The following ACTL6A variants were observed in gnomAD, a reference collection of about 807,000 sequenced individuals.
ACTL6A encodes actin like 6A.
Under a neutral mutation model 59.2 loss-of-function variants are expected in ACTL6A, and 5 were observed. That is an observed-to-expected ratio of 0.08 (90% CI 0.04 to 0.18). The LOEUF (loss-of-function observed/expected upper bound fraction) is 0.18. ACTL6A is among the 10% of genes least tolerant of loss of function. The pLI is 1.00. For synonymous variants in ACTL6A, 154 were observed against 171.8 expected (o/e 0.90, Z 0.81); for missense variants, 285 against 526.9 (o/e 0.54, Z 4.49).
chr3:179,576,484 C>A, intron 6 of ACTL6A, 136 bp from the exon 7 acceptor site: 1 of 806,500 alleles, frequency 1.2e-6, no homozygotes, highest in Non-Finnish European at 2.0e-6. Flanking sequence ...TGATGCATGG[C>A]TTTATTTATG....
intron 5 of ACTL6A, among the ~76,000 whole-genome samples, chr3:179,575,743 G>A (rs772985947): frequency 4.6e-5 from 7 of 152,204 alleles, no homozygotes; most frequent in Non-Finnish European, 1.0e-4. Context: ...TGAGTTGGAG[G>A]AGATAGGAAC....
chr3:179,580,003 C>T (rs937010440), intron 8 of ACTL6A, among the ~76,000 whole-genome samples: 8 of 152,066 alleles, frequency 5.3e-5, no homozygotes, highest in African/African-American at 1.9e-4. Context: ...GAACTCCTGG[C>T]CTCAAGCGAT....
intron 1 of ACTL6A, among the ~76,000 whole-genome samples, chr3:179,566,384 G>A (rs1448872740): frequency 6.6e-6 from 1 of 152,170 alleles, no homozygotes; most frequent in Non-Finnish European, 1.5e-5. Flanking sequence ...TTCCATGGTA[G>A]AACTATATTT....
At chr3:179,577,890 G>A (rs1231605382) in intron 8 of ACTL6A, among the ~76,000 whole-genome samples, 3 of 150,780 alleles carry the variant, frequency 2.0e-5, no homozygotes, top group Non-Finnish European at 2.9e-5. Context: ...GTCTTCCACC[G>A]ACGGGCATTT....
At chr3:179,583,097 C>T (rs1718383398) in intron 11 of ACTL6A, among the ~76,000 whole-genome samples, 1 of 152,176 alleles carries the variant, frequency 6.6e-6, no homozygotes, top group African/African-American at 2.4e-5. Context: ...TAAAAGTAAC[C>T]TTGCCTGGAT....
chr3:179,579,817 C>T (rs981383931), intron 8 of ACTL6A, among the ~76,000 whole-genome samples: 5 of 152,164 alleles, frequency 3.3e-5, no homozygotes, highest in Admixed American at 3.3e-4. Flanking sequence ...GGGTCTCTCT[C>T]TGTCACCCAG....
chr3:179,585,174 C>T (rs541179903), intron 12 of ACTL6A, among the ~76,000 whole-genome samples: 70 of 152,308 alleles, frequency 4.6e-4, no homozygotes, highest in African/African-American at 1.7e-3. Flanking sequence ...ACGATATCAG[C>T]TCACTGTAAC....
intron 12 of ACTL6A, 93 bp from the exon 13 acceptor site, chr3:179,586,453 C>A: frequency 1.1e-6 from 1 of 926,026 alleles, no homozygotes; most frequent in Non-Finnish European, 1.5e-6. Flanking sequence ...GCGAGGAAGA[C>A]CCTGTCTCTA....
intron 5 of ACTL6A, chr3:179,575,328 T>C (rs1166886739): frequency 1.1e-4 from 52 of 454,410 alleles, no homozygotes; most frequent in South Asian, 7.8e-4. Flanking sequence ...GATTTTACTA[T>C]TGAATATCTC....
At chr3:179,573,763 C>T (rs567160647) in intron 4 of ACTL6A, among the ~76,000 whole-genome samples, 116 of 152,146 alleles carry the variant, frequency 7.6e-4, no homozygotes, top group Non-Finnish European at 1.4e-3. Flanking sequence ...AGGACTGCTT[C>T]CCATTTTGAA....
intron 1 of ACTL6A, 83 bp from the exon 2 acceptor site, chr3:179,569,741 A>C: frequency 1.7e-6 from 2 of 1,148,474 alleles, no homozygotes; most frequent in Non-Finnish European, 2.6e-6. Context: ...GCTTGAGCCT[A>C]GGAGGTTGAG....
At chr3:179,583,060 G>T (rs1718381129) in intron 11 of ACTL6A, among the ~76,000 whole-genome samples, 1 of 152,134 alleles carries the variant, frequency 6.6e-6, no homozygotes, top group South Asian at 2.1e-4. Flanking sequence ...GCATTCCAAT[G>T]TAGGCAATAT....
rs139463312 is a variant in ACTL6A at position 179,569,348 on chromosome 3, C to G, written c.26-476C>G. ...ATCATTATAGTACTGGGGTACTGTA[C>G]TGTCCCTTCTGGTTGTCCTGTATTT... On this transcript the variant is annotated intron_variant, in intron 1 of 13. Transcript: ENST00000429709. Among the ~76,000 whole-genome samples, 403 of 152,324 alleles carry G rather than the reference C, an allele frequency of 2.6e-3. 1 individual carries two copies. The highest frequency in any genetic ancestry group is 0.014 in the Middle Eastern group (4 of 294).
chr3:179,570,439 G>T lies in ACTL6A; in HGVS notation c.277+198G>T. ...CCTTTTCATTAAAAGCTTACAGTTAGTTGGGGGAAATAGATGTATATATAC... is the reference window on the plus strand; with the variant it reads ...CCTTTTCATTAAAAGCTTACAGTTATTTGGGGGAAATAGATGTATATATAC... On this transcript the variant is annotated intron_variant, in intron 3 of 13. Transcript: ENST00000429709. The surrounding 1 kb of genome is among the most constrained non-coding windows in gnomAD (Gnocchi z 4.3). 7.7e-6 allele frequency: 4 copies of T among 522,176 alleles called. No individual in the cohort carries two copies. Among genetic ancestry groups the T allele is most frequent in the Non-Finnish European group, 9.9e-6 (3 of 301,720 alleles). The allele number at this position is 522,176 out of a possible 1,614,324, so 32.3% of individuals were successfully genotyped here. A position where few individuals can be genotyped will look rare whatever the true frequency, so the allele number is the denominator to read the frequency against.
chr3:179,564,870 G>T (rs529623247), intron 1 of ACTL6A, among the ~76,000 whole-genome samples: 1 of 150,778 alleles, frequency 6.6e-6, no homozygotes, highest in East Asian at 2.0e-4. Flanking sequence ...TTAAACAGCT[G>T]AAGTTGGAAT....
chr3:179,566,526 T>G (rs1025152098), intron 1 of ACTL6A, among the ~76,000 whole-genome samples: 5 of 152,204 alleles, frequency 3.3e-5, no homozygotes, highest in Non-Finnish European at 7.3e-5. Flanking sequence ...CAACAGAAAT[T>G]AGTTTTCTCA....
intron 5 of ACTL6A, chr3:179,575,416 C>T (rs774291959): frequency 3.5e-5 from 16 of 456,580 alleles, no homozygotes; most frequent in Non-Finnish European, 7.0e-5. Context: ...TATTCATCAT[C>T]TACTTCACTA....
Position 179,581,238 on chromosome 3 carries a change from G to C in ACTL6A, c.1026+18G>C, listed in dbSNP as rs1576857190. 1 of 1,598,492 alleles carries C rather than the reference G, an allele frequency of 6.3e-7. No homozygotes were observed. The highest frequency in any genetic ancestry group is 8.6e-7 in the Non-Finnish European group (1 of 1,165,880). ...TCAGACCAGTAAGTGCCAGTCTCCT[G>C]TTACGGTTTAAAGGTATCTTTTAGG... On this transcript the variant is annotated intron_variant, in intron 11 of 13. Transcript: ENST00000429709.
rs940455160 is a variant in ACTL6A, at chr3:179,588,180, C to T, written c.*170C>T. 2 of 490,610 alleles carry T rather than the reference C, an allele frequency of 4.1e-6. No individual in the cohort carries two copies. The highest frequency in any genetic ancestry group is 8.2e-5 in the Admixed American group (2 of 24,458). The allele number at this position is 490,610 out of a possible 1,614,324, so 30.4% of individuals were successfully genotyped here. ...ACTGGCTCTATAAATTAAGTTTGTGCTTTCCTTGAAATGCACTTATTCTTA... is the reference window on the plus strand; with the variant it reads ...ACTGGCTCTATAAATTAAGTTTGTGTTTTCCTTGAAATGCACTTATTCTTA... On this transcript the variant is annotated 3_prime_UTR_variant, in exon 14 of 14. Coordinates refer to ENST00000429709, the MANE Select transcript of ACTL6A (RefSeq NM_004301.5).
Sources: allele counts gnomAD v4.1 joint callset (sites outside exome capture counted in the v4.1 genomes callset), GRCh38; gene constraint gnomAD v4.1.1; non-coding constraint Gnocchi (gnomAD v3.1); transcripts MANE v1.5; gene names NCBI Gene and HGNC (gene_info 2026-07-23, HGNC 2026-07-21).